TMEM116: variants seen among roughly 807,000 people sequenced by gnomAD.
TMEM116 encodes transmembrane protein 116.
A neutral mutation model predicts 44.3 loss-of-function variants in TMEM116; 38 were observed. That is an observed-to-expected ratio of 0.86 (90% confidence interval 0.66 to 1.12). The LOEUF (loss-of-function observed/expected upper bound fraction) is 1.12. Among genes scored for constraint, TMEM116 ranks in the 50% most tolerant of loss-of-function variants. The probability of loss-of-function intolerance (pLI) is 0.00; values close to 1 mark genes in which losing one functional copy is unlikely to be tolerated. For missense variants in TMEM116, 354 were observed against 401.7 expected (o/e 0.88, Z 1.01); for synonymous variants, 132 against 144.8 (o/e 0.91, Z 0.64).
Position 111,934,232 on chromosome 12 carries a change from T to C in TMEM116, c.589-202A>G, listed in dbSNP as rs149364144. 1.1e-3 allele frequency: 630 copies of C among 570,564 alleles called. 3 individuals are homozygous for C. The highest frequency in any genetic ancestry group is 8.4e-3 in the African/African-American group (443 of 53,006). The allele number at this position is 570,564 out of a possible 1,614,324, so 35.3% of individuals were successfully genotyped here. On this transcript the variant is annotated intron_variant, in intron 8 of 10. Transcript: ENST00000552374. The stretch of plus-strand genomic sequence containing the variant: ...GTGAACTTTTACTAGGCTAGGGAAA[T>C]GGACAGGTAACTAGCCAAACTTGTG...
chr12:111,960,391 C>CTGAG (rs1555214440), intron 4 of TMEM116, among the ~76,000 whole-genome samples: 1 of 146,630 alleles, frequency 6.8e-6, no homozygotes, highest in African/African-American at 2.5e-5. Context: ...ACTTGGAAGG[C>CTGAG]TGAGGCAGGA....
chr12:111,960,509 A>G (rs1267224555), intron 4 of TMEM116, among the ~76,000 whole-genome samples: 1 of 149,722 alleles, frequency 6.7e-6, no homozygotes, highest in African/African-American at 2.4e-5. Context: ...AAAAAAAAAA[A>G]AAAAAAAAAG....
chr12:111,931,752 T>C lies in TMEM116; in HGVS notation c.883A>G (p.Lys295Glu), dbSNP rs1292114227. The C allele has an allele frequency of 1.2e-6, 2 of 1,608,626 alleles. No individual in the cohort carries two copies. Among genetic ancestry groups the C allele is most frequent in the South Asian group, 1.1e-5 (1 of 90,030 alleles). ...TCTGCATCACGCCGAGCCTCCTGCTTTAGTTGGTGGAATTTGTGCTGCGTC... is the reference window on the plus strand; with the variant it reads ...TCTGCATCACGCCGAGCCTCCTGCTCTAGTTGGTGGAATTTGTGCTGCGTC... The part of the protein sequence containing the change: ...GWTQHKFHQL[K>E]QEARRDADTQ... The change falls in exon 11 of 11, where the codon AAG becomes GAG. Residue 295 changes from lysine (K) to glutamate (E), a missense_variant. Physicochemically the swap from Lys to Glu is moderately conservative, Grantham distance 56. Coordinates refer to ENST00000552374, the MANE Select transcript of TMEM116 (RefSeq NM_001193531.2).
intron 4 of TMEM116, among the ~76,000 whole-genome samples, chr12:111,959,558 G>A (rs35708925): frequency 1.3e-5 from 2 of 152,172 alleles, no homozygotes; most frequent in African/African-American, 4.8e-5. Flanking sequence ...CGGCAAATTG[G>A]ATAAAGAGTC....
At chr12:111,992,810 G>A (rs1393893043) in intron 3 of TMEM116, among the ~76,000 whole-genome samples, 1 of 152,126 alleles carries the variant, frequency 6.6e-6, no homozygotes, top group Admixed American at 6.5e-5. Context: ...GTCCTATGGA[G>A]AAAATTATAA....
intron 3 of TMEM116, among the ~76,000 whole-genome samples, chr12:112,000,530 CTTT>C (rs371150794): frequency 2.1e-5 from 3 of 140,586 alleles, no homozygotes. Context: ...ATTTTTTTTT[CTTT>C]TTTTTTTTTT....
chr12:111,934,376 T>C (rs2136223375), intron 8 of TMEM116: 1 of 193,636 alleles, frequency 5.2e-6, no homozygotes, highest in East Asian at 1.4e-4. Context: ...TAAAACACTT[T>C]ATTAGAGATT....
At chr12:111,998,630 C>A (rs1369823907) in intron 3 of TMEM116, among the ~76,000 whole-genome samples, 2 of 152,114 alleles carry the variant, frequency 1.3e-5, no homozygotes, top group Admixed American at 6.6e-5. Flanking sequence ...ACCAGCCTGA[C>A]CAATATGGTG....
intron 4 of TMEM116, among the ~76,000 whole-genome samples, chr12:111,946,879 A>C (rs925689384): frequency 6.6e-6 from 1 of 152,076 alleles, no homozygotes; most frequent in African/African-American, 2.4e-5. Flanking sequence ...CCAAGGTCTG[A>C]TTTTTCACAC....
intron 4 of TMEM116, among the ~76,000 whole-genome samples, chr12:111,950,315 C>T (rs567753542): frequency 6.6e-6 from 1 of 151,958 alleles, no homozygotes; most frequent in South Asian, 2.1e-4. Context: ...ACATCTTTCC[C>T]CAGAAACAAT....
At chr12:111,946,697 C>A (rs1003986247) in intron 4 of TMEM116, among the ~76,000 whole-genome samples, 1 of 152,194 alleles carries the variant, frequency 6.6e-6, no homozygotes, top group Non-Finnish European at 1.5e-5. Context: ...GTTCCCAACA[C>A]CCCTGCTTAA....
At chr12:112,002,563 T>TC (rs1215136375) in intron 3 of TMEM116, among the ~76,000 whole-genome samples, 1 of 127,720 alleles carries the variant, frequency 7.8e-6, no homozygotes, top group African/African-American at 3.2e-5. Flanking sequence ...AGACTCCATC[T>TC]CAAAAAAAAA....
chr12:111,938,137 TA>T, intron 6 of TMEM116, 23 bp downstream of exon 6: 1 of 1,560,336 alleles, frequency 6.4e-7, no homozygotes, highest in Non-Finnish European at 8.7e-7. Context: ...TACACCTCGC[TA>T]AGAAGTAAAG....
chr12:111,953,850 C>G (rs2073909672), intron 4 of TMEM116, among the ~76,000 whole-genome samples: 1 of 152,128 alleles, frequency 6.6e-6, no homozygotes, highest in East Asian at 1.9e-4. Context: ...TTACTTAGTT[C>G]ACTCTTCTAC....
intron 4 of TMEM116, among the ~76,000 whole-genome samples, chr12:111,974,187 T>C (rs1023282712): frequency 1.3e-5 from 2 of 151,736 alleles, no homozygotes; most frequent in Non-Finnish European, 2.9e-5. Flanking sequence ...TTTCCTCAAC[T>C]TGATTAAGGA....
chr12:111,991,773 T>C lies in TMEM116; in HGVS notation c.195A>G (p.Leu65=), dbSNP rs1249636002. 5 of 1,535,110 alleles carry C rather than the reference T, an allele frequency of 3.3e-6. No homozygotes were observed. The highest frequency in any genetic ancestry group is 4.4e-6 in the Non-Finnish European group (5 of 1,146,304). The change falls in exon 4 of 11, where the codon CTA becomes CTG. Residue 65 remains leucine (L), a synonymous_variant. Coordinates refer to ENST00000552374, the MANE Select transcript of TMEM116 (RefSeq NM_001193531.2). The part of the protein sequence containing the change: ...VANKDIICYN[L]QAVGQIFYIS... ...TAGCACTCACCTGTCCAACTGCTTG[T>C]AGGTTATAGCAGATGATGTCCTTAT...
At chr12:111,942,666 G>A (rs73426362) in intron 5 of TMEM116, among the ~76,000 whole-genome samples, 4 of 152,058 alleles carry the variant, frequency 2.6e-5, no homozygotes, top group African/African-American at 9.7e-5. Context: ...ACTGGGTCTC[G>A]CAGGGTTGGC....
At chr12:111,996,037 C>T (rs12366814) in intron 3 of TMEM116, among the ~76,000 whole-genome samples, 1 of 114,324 alleles carries the variant, frequency 8.7e-6, no homozygotes, top group Admixed American at 9.9e-5. Flanking sequence ...AAGACCCTGT[C>T]TCAAAAAAAA....
chr12:111,989,283 T>C (rs923362191), intron 4 of TMEM116, among the ~76,000 whole-genome samples: 3 of 152,186 alleles, frequency 2.0e-5, no homozygotes, highest in Admixed American at 6.5e-5. Flanking sequence ...CCTACTCTAA[T>C]AGAAATCTAT....
Sources: allele counts gnomAD v4.1 joint callset (sites outside exome capture counted in the v4.1 genomes callset), GRCh38; gene constraint gnomAD v4.1.1; transcripts MANE v1.5; gene names NCBI Gene and HGNC (gene_info 2026-07-23, HGNC 2026-07-21).